The following PTPRN2 variants were observed in gnomAD, a reference collection of about 807,000 sequenced individuals.
PTPRN2 encodes the protein protein tyrosine phosphatase receptor type N2, also known as receptor-type tyrosine-protein phosphatase N2.
PTPRN2 carries 74 observed loss-of-function variants against 118.8 expected under a neutral mutation model. The ratio of observed to expected loss-of-function variants is 0.62; its 90% CI spans 0.52 to 0.76. PTPRN2 has a LOEUF of 0.76. Ranked by LOEUF, PTPRN2 falls within the 30% of genes least tolerant of loss-of-function variation. The pLI, the probability that PTPRN2 is intolerant of heterozygous loss-of-function variation, is 0.00. For synonymous variants in PTPRN2, 641 were observed against 608.0 expected (o/e 1.05, Z -0.80); for missense variants, 1,481 against 1,394.4 (o/e 1.06, Z -0.99).
At position 157,617,513 on chromosome 7, in the gene PTPRN2, C is replaced by G. The variant is rs1802867334; in HGVS notation, c.2344+3849G>C. 1.3e-5 allele frequency: 2 copies of G among 151,296 alleles called. No individual in the cohort carries two copies. Among genetic ancestry groups the G allele is most frequent in the South Asian group, 4.2e-4 (2 of 4,782 alleles). The allele number at this position is 151,296 out of a possible 1,614,324, so 9.4% of individuals were successfully genotyped here. A position where few individuals can be genotyped will look rare whatever the true frequency, so the allele number is the denominator to read the frequency against. ...TGCTGTGGTTAGGACGCTGTTCACG[C>G]AGCTGCAGCGCAGAGCACGGGGGAT... On this transcript the variant is annotated intron_variant, in intron 15 of 22. Coordinates refer to ENST00000389418, the MANE Select transcript of PTPRN2 (RefSeq NM_002847.5). This position sits in a 1 kb window ranked among gnomAD's most constrained non-coding sequence, Gnocchi z 7.5.
chr7:158,180,306 G>C (rs1477327225), intron 5 of PTPRN2, among the ~76,000 whole-genome samples: 1 of 152,146 alleles, frequency 6.6e-6, no homozygotes, highest in Non-Finnish European at 1.5e-5. Flanking sequence ...TTTATTTCTG[G>C]GTTCTTTATT....
At chr7:158,210,337 G>A (rs980658027) in intron 3 of PTPRN2, among the ~76,000 whole-genome samples, 13 of 151,784 alleles carry the variant, frequency 8.6e-5, no homozygotes, top group African/African-American at 1.4e-4. Flanking sequence ...GGGTTTCACC[G>A]TGTTAGCCAG....
chr7:158,570,788 C>T lies in PTPRN2; in HGVS notation c.112+16770G>A, dbSNP rs915868955. 6.6e-6 allele frequency among the ~76,000 whole-genome samples: 1 copy of T among 152,252 alleles called. No homozygotes were observed. The highest frequency in any genetic ancestry group is 2.4e-5 in the African/African-American group (1 of 41,464). The stretch of plus-strand genomic sequence containing the variant: ...ACTCACCGGGAAGCACCAAGGAGAA[C>T]CGCCTCCTCAGGAACCCTGTGGAGC... On this transcript the variant is annotated intron_variant, in intron 1 of 22. Transcript: ENST00000389418. This position sits in a 1 kb window ranked among gnomAD's most constrained non-coding sequence, Gnocchi z 4.5.
chr7:157,757,771 T>C (rs913746930), intron 12 of PTPRN2, among the ~76,000 whole-genome samples: 7 of 151,886 alleles, frequency 4.6e-5, no homozygotes, highest in African/African-American at 1.7e-4. Flanking sequence ...AGGGAAATAA[T>C]TGCTCAAAGC....
chr7:158,532,439 G>A (rs1825317102), intron 1 of PTPRN2, among the ~76,000 whole-genome samples: 1 of 152,174 alleles, frequency 6.6e-6, no homozygotes, highest in Admixed American at 6.5e-5. Flanking sequence ...GCCCCACAGA[G>A]TCATCACGGA....
intron 11 of PTPRN2, among the ~76,000 whole-genome samples, chr7:158,002,733 C>T (rs1272904510): frequency 6.6e-6 from 1 of 152,206 alleles, no homozygotes; most frequent in African/African-American, 2.4e-5. Flanking sequence ...TCGGGCAGGT[C>T]AGCTGCAGCG....
At chr7:157,682,667 C>T (rs1264813903) in intron 13 of PTPRN2, 58 bp downstream of exon 13, 10 of 1,504,054 alleles carry the variant, frequency 6.6e-6, no homozygotes, top group Non-Finnish European at 9.2e-6. Flanking sequence ...GGAACGCCAT[C>T]ATCTGCCTGT....
At chr7:158,116,474 C>T (rs1003552891) in intron 9 of PTPRN2, among the ~76,000 whole-genome samples, 20 of 152,380 alleles carry the variant, frequency 1.3e-4, no homozygotes, top group African/African-American at 4.1e-4. Flanking sequence ...GCTACCGCTA[C>T]TCACCTTCAG....
Position 158,175,935 on chromosome 7 carries a change from C to T in PTPRN2, c.550-8644G>A, listed in dbSNP as rs545189594. ...CTCTCAGTCTGCCCTGCTCAAGACT[C>T]GCGACACCGTGAGGCCAGTGCTGAT... On this transcript the variant is annotated intron_variant, in intron 5 of 22. Transcript: ENST00000389418. Among the ~76,000 whole-genome samples the T allele has an allele frequency of 1.4e-4, 21 of 151,464 alleles. No homozygotes were observed. The East Asian group carries it at 3.5e-3, about 25-fold the overall frequency.
chr7:158,331,513 G>A (rs1383790213), intron 2 of PTPRN2, among the ~76,000 whole-genome samples: 31 of 146,296 alleles, frequency 2.1e-4, no homozygotes, highest in Admixed American at 8.8e-4. Context: ...GTCACCCACA[G>A]ACATCACTCA....
chr7:157,899,823 A>G (rs905150731), intron 11 of PTPRN2, among the ~76,000 whole-genome samples: 2 of 152,226 alleles, frequency 1.3e-5, no homozygotes, highest in African/African-American at 4.8e-5. Context: ...AGAACAAGAC[A>G]GACAGAAAAC....
At chr7:158,007,914 CGT>C (rs1805752927) in intron 11 of PTPRN2, among the ~76,000 whole-genome samples, 1 of 114,736 alleles carries the variant, frequency 8.7e-6, no homozygotes, top group South Asian at 3.0e-4. Flanking sequence ...GTGCATTGCA[CGT>C]GTGTGAGGGT....
chr7:158,282,355 G>A (rs546937360), intron 3 of PTPRN2, among the ~76,000 whole-genome samples: 41 of 152,350 alleles, frequency 2.7e-4, no homozygotes, highest in African/African-American at 9.1e-4. Flanking sequence ...TGAAGCAACT[G>A]TCTTTGACTA....
intron 5 of PTPRN2, among the ~76,000 whole-genome samples, chr7:158,175,045 G>GGGAGACCCTGGGTGGA (rs1824061055): frequency 6.6e-6 from 1 of 152,204 alleles, no homozygotes; most frequent in Non-Finnish European, 1.5e-5. Context: ...CCCACATGCC[G>GGGAGACCCTGGGTGGA]GGAGACTCTG....
chr7:158,336,573 T>C (rs62481664), intron 2 of PTPRN2, among the ~76,000 whole-genome samples: 2 of 43,554 alleles, frequency 4.6e-5, no homozygotes, highest in African/African-American at 9.3e-5. Context: ...ACCATAAGAG[T>C]TGACACCTGC....
chr7:157,634,078 C>T (rs1804142359), intron 14 of PTPRN2, among the ~76,000 whole-genome samples: 2 of 152,164 alleles, frequency 1.3e-5, no homozygotes, highest in Non-Finnish European at 2.9e-5. Context: ...GCACCGCGTC[C>T]TGCAGGCAAC....
chr7:157,540,747 C>T lies in PTPRN2; in HGVS notation c.3015G>A (p.Glu1005=), dbSNP rs2116928447. The T allele has an allele frequency of 6.4e-7, 1 of 1,569,344 alleles. No individual in the cohort carries two copies. Among genetic ancestry groups the T allele is most frequent in the East Asian group, 2.4e-5 (1 of 42,278 alleles). ...FEFALTAVAE[E]VNAILKALPQ is the part of the protein sequence containing the mutation. ...GAAGGGCCTTGAGGATGGCGTTCAC[C>T]TCCTCAGCCACGGCTGTCAGCGCGA... The change falls in exon 23 of 23, where the codon GAG becomes GAA. Residue 1005 remains glutamate (E), a synonymous_variant. Coordinates refer to ENST00000389418, the MANE Select transcript of PTPRN2 (RefSeq NM_002847.5).
At chr7:158,195,758 T>C (rs1332550167) in intron 4 of PTPRN2, among the ~76,000 whole-genome samples, 1 of 152,216 alleles carries the variant, frequency 6.6e-6, no homozygotes, top group African/African-American at 2.4e-5. Flanking sequence ...TCCTACTTAT[T>C]GTGTCTGTGT....
At chr7:158,370,043 G>A (rs1419804782) in intron 2 of PTPRN2, among the ~76,000 whole-genome samples, 1 of 152,180 alleles carries the variant, frequency 6.6e-6, no homozygotes, top group Non-Finnish European at 1.5e-5. Flanking sequence ...GTGAACAGGA[G>A]CTTAGCTACA....
Sources: allele counts gnomAD v4.1 joint callset (sites outside exome capture counted in the v4.1 genomes callset), GRCh38; gene constraint gnomAD v4.1.1; non-coding constraint Gnocchi (gnomAD v3.1); transcripts MANE v1.5; gene names NCBI Gene and HGNC (gene_info 2026-07-23, HGNC 2026-07-21).